COL19A1: variants seen among roughly 807,000 people sequenced by gnomAD.
COL19A1 encodes collagen alpha-1(XIX) chain.
Under a neutral mutation model 190.2 loss-of-function variants are expected in COL19A1, and 159 were observed. The ratio of observed to expected loss-of-function variants is 0.84; its 90% CI spans 0.73 to 0.95. COL19A1 has a LOEUF of 0.95. COL19A1 is among the 40% of genes least tolerant of loss of function. The pLI is 0.00. For missense variants in COL19A1, 1,418 were observed against 1,431.9 expected (o/e 0.99, Z 0.16); for synonymous variants, 509 against 458.9 (o/e 1.11, Z -1.39).
chr6:70,111,399 C>A (rs923227906), intron 16 of COL19A1, among the ~76,000 whole-genome samples: 1 of 152,144 alleles, frequency 6.6e-6, no homozygotes, highest in African/African-American at 2.4e-5. Context: ...TTTGAAGGGT[C>A]TTCAGCTATG....
chr6:69,873,828 A>G, intron 1 of COL19A1, among the ~76,000 whole-genome samples: 1 of 152,190 alleles, frequency 6.6e-6, no homozygotes, highest in East Asian at 1.9e-4. Context: ...CTTAATATGT[A>G]CTGTGAGCCA....
intron 4 of COL19A1, among the ~76,000 whole-genome samples, chr6:69,921,436 CAT>C (rs1168655906): frequency 1.4e-4 from 17 of 121,326 alleles, no homozygotes; most frequent in Admixed American, 4.4e-4. Flanking sequence ...TCATATATAT[CAT>C]ATATATCATA....
At chr6:70,056,892 G>A (rs1229697214) in intron 14 of COL19A1, among the ~76,000 whole-genome samples, 4 of 151,964 alleles carry the variant, frequency 2.6e-5, no homozygotes, top group Admixed American at 6.6e-5. Context: ...ACAGTTATCA[G>A]CATTAAATAC....
Position 70,207,219 on chromosome 6 carries a change from C to G in COL19A1, c.3374C>G (p.Pro1125Arg). The change falls in exon 51 of 51, where the codon CCA (proline) becomes CGA (arginine). Residue 1125 changes from proline to arginine, a missense_variant. By Grantham distance (103) the Pro-to-Arg change is moderately radical. Transcript: ENST00000620364. ...CCAGGACCCAGTGGAAGATGTAACC[C>G]AGAAGATTGCCTCTATCCTGTGTCT... ...GPPGPSGRCN[P>R]EDCLYPVSHA... 3 of 1,614,022 alleles carry G rather than the reference C, an allele frequency of 1.9e-6. No homozygotes were observed. The South Asian group carries it at 3.3e-5, about 18-fold the overall frequency.
In COL19A1 at chr6:70,199,636, C is replaced by G; in HGVS notation, c.3123C>G (p.Leu1041=). ...GGATGGCTGTATTCCTATCCCAGCT[C>G]AAGCTGCCAGCAGCAATGTTGGCTG... ...EERMAVFLSQ[L]KLPAAMLAAQ... is the part of the protein sequence containing the mutation. The change falls in exon 49 of 51, where the codon CTC becomes CTG. Residue 1041 remains leucine, a synonymous_variant. Coordinates refer to ENST00000620364, the MANE Select transcript of COL19A1 (RefSeq NM_001858.6). 6.2e-7 allele frequency: 1 copy of G among 1,604,742 alleles called. No homozygotes were observed.
intron 48 of COL19A1, among the ~76,000 whole-genome samples, chr6:70,199,403 G>A (rs1583152996): frequency 6.6e-6 from 1 of 152,338 alleles, no homozygotes; most frequent in East Asian, 1.9e-4. Context: ...GAGTGACACA[G>A]CTGGTCTGCA....
intron 4 of COL19A1, among the ~76,000 whole-genome samples, chr6:69,909,892 C>A (rs769069579): frequency 1.1e-4 from 17 of 152,112 alleles, no homozygotes; most frequent in African/African-American, 3.1e-4. Flanking sequence ...CTCCATTGCT[C>A]ACATCAGAAC....
At chr6:69,913,559 T>G (rs762926622) in intron 4 of COL19A1, among the ~76,000 whole-genome samples, 14 of 152,098 alleles carry the variant, frequency 9.2e-5, no homozygotes, top group Non-Finnish European at 1.8e-4. Context: ...AAGGGGTCAA[T>G]GTATGTTGTG....
intron 14 of COL19A1, among the ~76,000 whole-genome samples, chr6:70,045,621 A>C (rs1170699994): frequency 2.0e-5 from 3 of 152,208 alleles, no homozygotes; most frequent in Non-Finnish European, 4.4e-5. Context: ...TTTTAAGCTA[A>C]GCTGAGCTAC....
chr6:70,036,342 G>C (rs1188935332), intron 14 of COL19A1, among the ~76,000 whole-genome samples: 1 of 152,148 alleles, frequency 6.6e-6, no homozygotes, highest in Non-Finnish European at 1.5e-5. Context: ...AATAAAAACA[G>C]CTACCTATTT....
chr6:69,962,650 A>G (rs911295724), intron 10 of COL19A1, among the ~76,000 whole-genome samples, 176 bp from the exon 11 acceptor site: 1 of 152,202 alleles, frequency 6.6e-6, no homozygotes, highest in Non-Finnish European at 1.5e-5. Context: ...TTGTTCCTTT[A>G]GTATTTAGAA....
At chr6:70,156,431 C>A (rs1381601997) in intron 33 of COL19A1, 62 bp downstream of exon 33, 4 of 1,507,808 alleles carry the variant, frequency 2.7e-6, no homozygotes, top group Admixed American at 1.8e-5. Flanking sequence ...AAAAAAAGAA[C>A]CCGATTTGAA....
chr6:70,103,087 C>A (rs1783736328), intron 16 of COL19A1, among the ~76,000 whole-genome samples: 1 of 152,088 alleles, frequency 6.6e-6, no homozygotes, highest in Admixed American at 6.6e-5. Flanking sequence ...TTGCTGAGTC[C>A]CAGGCTGGTA....
At chr6:70,199,818 G>C in intron 49 of COL19A1, 82 bp downstream of exon 49, 2 of 1,317,676 alleles carry the variant, frequency 1.5e-6, no homozygotes, top group Non-Finnish European at 2.1e-6. Context: ...AAGGAAAAAA[G>C]TATGTATGTA....
At chr6:70,138,339 G>A (rs981052089) in intron 19 of COL19A1, among the ~76,000 whole-genome samples, 4 of 151,884 alleles carry the variant, frequency 2.6e-5, no homozygotes, top group African/African-American at 9.7e-5. Context: ...TCTTTTTGTG[G>A]GGAAAAAGAG....
intron 11 of COL19A1, among the ~76,000 whole-genome samples, chr6:69,986,221 T>TTATATATA (rs57648174): frequency 6.5e-4 from 90 of 138,280 alleles, no homozygotes; most frequent in Middle Eastern, 3.8e-3. Context: ...CTTACACGTT[T>TTATATATA]TATATATATA....
chr6:69,944,807 C>T (rs1773693163), intron 9 of COL19A1, among the ~76,000 whole-genome samples: 1 of 151,854 alleles, frequency 6.6e-6, no homozygotes. Flanking sequence ...ATTTAATTAT[C>T]TAGTTGTGAT....
intron 15 of COL19A1, among the ~76,000 whole-genome samples, chr6:70,087,502 AGAG>A (rs1782655977): frequency 6.6e-6 from 1 of 152,098 alleles, no homozygotes; most frequent in South Asian, 2.1e-4. Context: ...AAGGAAGATG[AGAG>A]GAGGTCAGAG....
chr6:69,879,473 TG>T, intron 1 of COL19A1, 62 bp from the exon 2 acceptor site: 1 of 869,234 alleles, frequency 1.2e-6, no homozygotes, highest in Non-Finnish European at 1.9e-6. Flanking sequence ...TAACATTTTC[TG>T]GAGATGTTGA....
Sources: allele counts gnomAD v4.1 joint callset (sites outside exome capture counted in the v4.1 genomes callset), GRCh38; gene constraint gnomAD v4.1.1; transcripts MANE v1.5; gene names NCBI Gene and HGNC (gene_info 2026-07-23, HGNC 2026-07-21).